USP25: variants seen among roughly 807,000 people sequenced by gnomAD.
USP25 encodes ubiquitin specific peptidase 25, also known as ubiquitin carboxyl-terminal hydrolase 25.
In USP25, 85 loss-of-function variants were observed where a neutral mutation model predicts 158.5. The observed-to-expected ratio is 0.54, with a 90% CI of 0.45 to 0.64. The LOEUF is 0.64. Ranked by LOEUF, USP25 falls within the 30% of genes least tolerant of loss-of-function variation. The probability of loss-of-function intolerance (pLI) is 0.00; values close to 1 mark genes in which losing one functional copy is unlikely to be tolerated. For synonymous variants in USP25, 464 were observed against 460.4 expected (o/e 1.01, Z -0.10); for missense variants, 1,242 against 1,327.3 (o/e 0.94, Z 1.00).
chr21:15,747,420 C>T (rs894887598), intron 1 of USP25, among the ~76,000 whole-genome samples: 3 of 151,378 alleles, frequency 2.0e-5, no homozygotes, highest in Admixed American at 1.3e-4. Context: ...TTTTTCTTAT[C>T]TATATATACC....
intron 3 of USP25, among the ~76,000 whole-genome samples, chr21:15,767,655 CGAG>C (rs1385582931): frequency 6.6e-6 from 1 of 151,638 alleles, no homozygotes; most frequent in Non-Finnish European, 1.5e-5. Context: ...TTCCAAGACT[CGAG>C]GGGAAAAAGA....
Position 15,730,353 on chromosome 21 carries a change from C to T in USP25, c.-41C>T. 3 of 1,164,442 alleles carry T rather than the reference C, an allele frequency of 2.6e-6. No homozygotes were observed. Among genetic ancestry groups the T allele is most frequent in the Non-Finnish European group, 1.1e-6 (1 of 947,088 alleles). 72.1% of individuals were successfully genotyped at this position (1,164,442 alleles called of 1,614,324 possible). ...CAGGGCCGGCGGAGGCGCGAGGAGC[C>T]GGGCGCCACCGCCGCCGCCGCCGCC... On this transcript the variant is annotated 5_prime_UTR_variant, in exon 1 of 26. Coordinates refer to ENST00000400183, the MANE Select transcript of USP25 (RefSeq NM_001283041.3).
chr21:15,739,488 C>T (rs924443794), intron 1 of USP25, among the ~76,000 whole-genome samples: 1 of 152,082 alleles, frequency 6.6e-6, no homozygotes, highest in Non-Finnish European at 1.5e-5. Context: ...GGTAGTTTGT[C>T]AGTCTCTTCT....
intron 17 of USP25, among the ~76,000 whole-genome samples, chr21:15,840,784 T>C (rs190074748): frequency 6.6e-6 from 1 of 152,324 alleles, no homozygotes; most frequent in East Asian, 1.9e-4. Context: ...ATTAGACCAA[T>C]GTCAGACCAG....
intron 20 of USP25, among the ~76,000 whole-genome samples, chr21:15,860,209 A>G (rs1205505185): frequency 2.0e-5 from 3 of 151,868 alleles, no homozygotes; most frequent in African/African-American, 7.3e-5. Context: ...CTGGAGTGCA[A>G]TGGCATGATC....
chr21:15,767,702 T>A (rs2034123447), intron 3 of USP25, among the ~76,000 whole-genome samples: 1 of 151,926 alleles, frequency 6.6e-6, no homozygotes, highest in Non-Finnish European at 1.5e-5. Context: ...AAAGGATAAT[T>A]TTGACTAAAA....
At position 15,766,145 on chromosome 21, in the gene USP25, A is replaced by C. The variant is rs1480747792; in HGVS notation, c.268+4A>C. On this transcript the variant is annotated splice_donor_region_variant and intron_variant, in intron 3 of 25. Coordinates refer to ENST00000400183, the MANE Select transcript of USP25 (RefSeq NM_001283041.3). The surrounding 1 kb of genome is among the most constrained non-coding windows in gnomAD (Gnocchi z 4.0). ...GTGGGAAGCCAAGCAGATACAAGTA[A>C]GTTTTCTTTCTTTTCTTATTATTTT... 4 of 1,584,354 alleles carry C rather than the reference A, an allele frequency of 2.5e-6. No individual in the cohort carries two copies. Among genetic ancestry groups the C allele is most frequent in the East Asian group, 2.3e-5 (1 of 44,380 alleles).
chr21:15,849,896 G>C (rs540848175), intron 20 of USP25, 24 bp downstream of exon 20: 1 of 1,435,370 alleles, frequency 7.0e-7, no homozygotes, highest in Non-Finnish European at 9.3e-7. Flanking sequence ...TTTCATTTTC[G>C]TGTCTTTTCT....
intron 4 of USP25, among the ~76,000 whole-genome samples, chr21:15,783,983 A>T (rs2035127919): frequency 6.6e-6 from 1 of 151,174 alleles, no homozygotes; most frequent in African/African-American, 2.4e-5. Flanking sequence ...AAAAATAAAG[A>T]AAAGAAAAAG....
intron 17 of USP25, among the ~76,000 whole-genome samples, chr21:15,835,162 AC>A (rs1166917910): frequency 1.3e-5 from 2 of 152,184 alleles, no homozygotes; most frequent in African/African-American, 4.8e-5. Context: ...TGCATAGTGT[AC>A]TATAAGCAGT....
intron 24 of USP25, chr21:15,876,474 G>C (rs2040101432): frequency 6.5e-6 from 1 of 154,556 alleles, no homozygotes; most frequent in South Asian, 2.0e-4. Context: ...GTTCCACATG[G>C]TTGGGGAGGC....
At chr21:15,740,857 T>G (rs1476367766) in intron 1 of USP25, among the ~76,000 whole-genome samples, 5 of 151,942 alleles carry the variant, frequency 3.3e-5, no homozygotes, top group African/African-American at 1.2e-4. Context: ...TCATTCATAC[T>G]GTCCCTCTTT....
chr21:15,740,950 G>A (rs548399496), intron 1 of USP25, among the ~76,000 whole-genome samples: 35 of 151,212 alleles, frequency 2.3e-4, no homozygotes, highest in Non-Finnish European at 4.9e-4. Flanking sequence ...TACACTGAAA[G>A]TGTGTAATTT....
intron 20 of USP25, among the ~76,000 whole-genome samples, chr21:15,850,199 A>C (rs1024816183): frequency 6.6e-6 from 1 of 152,048 alleles, no homozygotes; most frequent in African/African-American, 2.4e-5. Flanking sequence ...GAACTGAGTA[A>C]ATTGCCCTGG....
intron 3 of USP25, among the ~76,000 whole-genome samples, chr21:15,775,266 G>A (rs2034573656): frequency 6.6e-6 from 1 of 151,976 alleles, no homozygotes; most frequent in Admixed American, 6.6e-5. Flanking sequence ...AATTAGTTTC[G>A]GCTATAGCCC....
chr21:15,758,105 C>T (rs1041607870), intron 1 of USP25, among the ~76,000 whole-genome samples: 4 of 152,168 alleles, frequency 2.6e-5, no homozygotes, highest in African/African-American at 9.7e-5. Flanking sequence ...ATCCCTAGAC[C>T]TTAACCCAGA....
At chr21:15,854,564 T>G (rs747696367) in intron 20 of USP25, among the ~76,000 whole-genome samples, 2 of 152,204 alleles carry the variant, frequency 1.3e-5, no homozygotes, top group Non-Finnish European at 2.9e-5. Flanking sequence ...TGTGCCTGTT[T>G]AGGTACTTCT....
At chr21:15,750,538 C>T (rs1013917670) in intron 1 of USP25, among the ~76,000 whole-genome samples, 2 of 151,770 alleles carry the variant, frequency 1.3e-5, no homozygotes, top group Non-Finnish European at 2.9e-5. Flanking sequence ...CCCCTTATAT[C>T]CTTTTAATAA....
At chr21:15,806,355 T>C (rs1179360169) in intron 7 of USP25, among the ~76,000 whole-genome samples, 1 of 152,098 alleles carries the variant, frequency 6.6e-6, no homozygotes, top group East Asian at 1.9e-4. Context: ...CAATTAAATT[T>C]TTTAAAAGAT....
Sources: allele counts gnomAD v4.1 joint callset (sites outside exome capture counted in the v4.1 genomes callset), GRCh38; gene constraint gnomAD v4.1.1; non-coding constraint Gnocchi (gnomAD v3.1); transcripts MANE v1.5; gene names NCBI Gene and HGNC (gene_info 2026-07-23, HGNC 2026-07-21).